ZNF652: variants seen among roughly 807,000 people sequenced by gnomAD.
ZNF652 encodes zinc finger protein 652.
A neutral mutation model predicts 45.2 loss-of-function variants in ZNF652; 16 were observed. The ratio of observed to expected loss-of-function variants is 0.35; its 90% CI spans 0.24 to 0.54. The LOEUF (loss-of-function observed/expected upper bound fraction) is 0.54. ZNF652 is among the 20% of genes least tolerant of loss of function. ZNF652 has a pLI of 0.91. For missense variants in ZNF652, 614 were observed against 765.6 expected, an observed-to-expected ratio of 0.80 and a Z score of 2.34; for synonymous variants, 250 against 260.6, an observed-to-expected ratio of 0.96 and a Z score of 0.39.
At chr17:49,361,395 C>G (rs1036281686) in intron 1 of ZNF652, among the ~76,000 whole-genome samples, 1 of 152,082 alleles carries the variant, frequency 6.6e-6, no homozygotes, top group African/African-American at 2.4e-5. Flanking sequence ...GCATTACCCA[C>G]TGGGGTGAGT....
At chr17:49,341,538 C>T (rs938338636) in intron 1 of ZNF652, among the ~76,000 whole-genome samples, 1 of 148,976 alleles carries the variant, frequency 6.7e-6, no homozygotes, top group Non-Finnish European at 1.5e-5. Flanking sequence ...GTGGTGCATG[C>T]CAATAGTCCC....
chr17:49,321,866 TTAC>T (rs1455711675), intron 1 of ZNF652, among the ~76,000 whole-genome samples: 7 of 152,192 alleles, frequency 4.6e-5, no homozygotes, highest in Admixed American at 1.3e-4. Context: ...AAATGGACTA[TTAC>T]AAGTGTGTTG....
Position 49,298,379 on chromosome 17 carries a change from G to A in ZNF652, c.*34C>T, listed in dbSNP as rs771931069. 30 of 1,610,724 alleles carry A rather than the reference G, an allele frequency of 1.9e-5. No individual in the cohort carries two copies. In the South Asian group the frequency reaches 1.9e-4, roughly 10 times the overall value. The stretch of plus-strand genomic sequence containing the variant: ...TCTGTGCACGCTCACACATGGGGAC[G>A]TGTCTCCTGGAGAACACACTAAGGA... On this transcript the variant is annotated 3_prime_UTR_variant, in exon 6 of 6. Coordinates refer to ENST00000430262, the MANE Select transcript of ZNF652 (RefSeq NM_001145365.3).
rs183063597 is a variant in ZNF652 at position 49,319,389 on chromosome 17, C to T, written c.-258-1406G>A. On this transcript the variant is annotated intron_variant, in intron 1 of 5. Coordinates refer to ENST00000430262, the MANE Select transcript of ZNF652 (RefSeq NM_001145365.3). ...GTGGCTCACGCCTGTAATCCCAGCACTTTGGGAGGCCAACGTAGTCGGATC... is the reference window on the plus strand; with the variant it reads ...GTGGCTCACGCCTGTAATCCCAGCATTTTGGGAGGCCAACGTAGTCGGATC... 2.8e-4 allele frequency among the ~76,000 whole-genome samples: 42 copies of T among 151,704 alleles called. 1 individual carries two copies. In the East Asian group the frequency reaches 7.7e-3, roughly 28 times the overall value.
chr17:49,323,902 A>G (rs1362270549), intron 1 of ZNF652, among the ~76,000 whole-genome samples: 1 of 152,238 alleles, frequency 6.6e-6, no homozygotes, highest in Non-Finnish European at 1.5e-5. Flanking sequence ...TAGGCTGAGT[A>G]GATTTAGCAT....
In ZNF652 at chr17:49,317,121, G is replaced by A; in HGVS notation, c.605C>T (p.Thr202Ile). 6.2e-7 allele frequency: 1 copy of A among 1,614,048 alleles called. No homozygotes were observed. The change falls in exon 2 of 6, where the codon ACC becomes ATC. Residue 202 changes from threonine to isoleucine, a missense_variant. Thr to Ile is a moderately conservative substitution (Grantham distance 89). Coordinates refer to ENST00000430262, the MANE Select transcript of ZNF652 (RefSeq NM_001145365.3). ...TGTAGTTCTGGGAGTAGGGGAAGTG[G>A]TAGCTGCGGCAACAGAGGCAGCTCT... Reference protein sequence around the residue: ...TRRAASVAAATTSPTPRTTRG... With the variant: ...TRRAASVAAAITSPTPRTTRG...
intron 1 of ZNF652, among the ~76,000 whole-genome samples, chr17:49,324,237 T>A (rs1284808729): frequency 6.6e-6 from 1 of 152,194 alleles, no homozygotes; most frequent in Non-Finnish European, 1.5e-5. Flanking sequence ...TTCCAACTTT[T>A]CTTCTGTAGC....
At chr17:49,342,665 A>T (rs903385054) in intron 1 of ZNF652, among the ~76,000 whole-genome samples, 40 of 151,836 alleles carry the variant, frequency 2.6e-4, no homozygotes, top group African/African-American at 9.2e-4. Flanking sequence ...TATCATATTG[A>T]CAAACCTCAG....
In ZNF652 at chr17:49,296,232, T is replaced by TG. The variant is rs1447129444; in HGVS notation, c.*2180_*2181insC. ...GTACAAATATTAAAAATACCATTCT[T>TG]TAAAACTTACATCCAAAACCAGGAA... On this transcript the variant is annotated 3_prime_UTR_variant, in exon 6 of 6. Coordinates refer to ENST00000430262, the MANE Select transcript of ZNF652 (RefSeq NM_001145365.3). 6.6e-6 allele frequency: 1 copy of TG among 152,564 alleles called. No individual in the cohort carries two copies. The highest frequency in any genetic ancestry group is 6.5e-5 in the Admixed American group (1 of 15,278). 9.5% of individuals were successfully genotyped at this position (152,564 alleles called of 1,614,324 possible). A position where few individuals can be genotyped will look rare whatever the true frequency, so the allele number is the denominator to read the frequency against.
intron 5 of ZNF652, among the ~76,000 whole-genome samples, chr17:49,305,433 C>A (rs148171854): frequency 6.6e-6 from 1 of 151,678 alleles, no homozygotes. Context: ...GGTGACACAG[C>A]GAGACTCTGT....
In ZNF652 at chr17:49,298,510, G is replaced by A. The variant is rs1028529937; in HGVS notation, c.1724C>T (p.Ala575Val). The change falls in exon 6 of 6, where the codon GCT becomes GTT. Residue 575 changes from alanine (A) to valine (V), a missense_variant. Physicochemically the swap from Ala to Val is moderately conservative, Grantham distance 64 (BLOSUM62 0). Transcript: ENST00000430262. ...PPVPHLPPPP[A>V]LFKSEPLNHR... ...ATTTAAAGGCTCACTCTTAAAGAGA[G>A]CTGGAGGTGGCGGGAGGTGAGGGAC... 1 of 1,613,080 alleles carries A rather than the reference G, an allele frequency of 6.2e-7. No individual in the cohort carries two copies. Among genetic ancestry groups the A allele is most frequent in the South Asian group, 1.1e-5 (1 of 91,006 alleles).
Position 49,362,160 on chromosome 17 carries a change from C to A in ZNF652, c.-510G>T, listed in dbSNP as rs1236291525. On this transcript the variant is annotated 5_prime_UTR_variant, in exon 1 of 6. Coordinates refer to ENST00000430262, the MANE Select transcript of ZNF652 (RefSeq NM_001145365.3). ...TCCCAGCGCGCGAGGGCGAGCGGGG[C>A]CGGCGGGGCGGGCAGCGCGGGGCGG... is the stretch of plus-strand genomic sequence containing the variant. 6.6e-6 allele frequency: 1 copy of A among 150,404 alleles called. No individual in the cohort carries two copies. The highest frequency in any genetic ancestry group is 1.5e-5 in the Non-Finnish European group (1 of 67,128). 9.3% of individuals were successfully genotyped at this position (150,404 alleles called of 1,614,324 possible).
At chr17:49,336,560 C>T (rs2143865490) in intron 1 of ZNF652, among the ~76,000 whole-genome samples, 1 of 151,736 alleles carries the variant, frequency 6.6e-6, no homozygotes, top group East Asian at 1.9e-4. Context: ...AACCTCTGAC[C>T]TCAAGTGATC....
Position 49,293,451 on chromosome 17 carries a change from A to G in ZNF652, c.*4962T>C, listed in dbSNP as rs1474984175. Among the ~76,000 whole-genome samples, 1 of 152,142 alleles carries G rather than the reference A, an allele frequency of 6.6e-6. No individual in the cohort carries two copies. Among genetic ancestry groups the G allele is most frequent in the Non-Finnish European group, 1.5e-5 (1 of 68,030 alleles). On this transcript the variant is annotated 3_prime_UTR_variant, in exon 6 of 6. Transcript: ENST00000430262. ...GAAAGTATAAAAGTATAGAACTATG[A>G]AAGTGGATATATTGATGGCAACTTT...
chr17:49,307,694 G>A (rs772197948), intron 5 of ZNF652, among the ~76,000 whole-genome samples: 1 of 152,010 alleles, frequency 6.6e-6, no homozygotes, highest in Non-Finnish European at 1.5e-5. Flanking sequence ...AGAGGTCGCA[G>A]TGAGCTGAGA....
rs79813295 is a variant in ZNF652, at chr17:49,314,673, C to T, written c.901-1828G>A. Among the ~76,000 whole-genome samples, 1,142 of 152,152 alleles carry T rather than the reference C, an allele frequency of 7.5e-3. 44 individuals are homozygous for T. The highest frequency in any genetic ancestry group is 0.069 in the East Asian group (357 of 5,182). On this transcript the variant is annotated intron_variant, in intron 2 of 5. Transcript: ENST00000430262. ...CAGAGTATTTCTGGTTAAAGCAAAA[C>T]AATACTAGAAAGCTCTTGGTAATCA...
intron 5 of ZNF652, among the ~76,000 whole-genome samples, 184 bp from the exon 6 acceptor site, chr17:49,299,108 G>A (rs977933849): frequency 8.6e-5 from 13 of 151,804 alleles, no homozygotes; most frequent in Admixed American, 3.9e-4. Flanking sequence ...GAGCCACTGC[G>A]CCTGGCCTAT....
chr17:49,324,411 A>G (rs549126368), intron 1 of ZNF652, among the ~76,000 whole-genome samples: 1 of 150,526 alleles, frequency 6.6e-6, no homozygotes, highest in South Asian at 2.1e-4. Flanking sequence ...TTTTTTTTTG[A>G]GACGGAGTCT....
intron 1 of ZNF652, among the ~76,000 whole-genome samples, chr17:49,332,205 T>G (rs1320753754): frequency 1.3e-5 from 2 of 151,930 alleles, no homozygotes; most frequent in African/African-American, 4.8e-5. Context: ...CAGACTGAGG[T>G]TGCAGTGAGC....
Sources: allele counts gnomAD v4.1 joint callset (sites outside exome capture counted in the v4.1 genomes callset), GRCh38; gene constraint gnomAD v4.1.1; transcripts MANE v1.5; gene names NCBI Gene and HGNC (gene_info 2026-07-23, HGNC 2026-07-21).